DLEU7: variants seen among roughly 807,000 people sequenced by gnomAD.
The protein encoded by DLEU7 is deleted in lymphocytic leukemia 7, also known as leukemia-associated protein 7.
DLEU7 carries 17 observed loss-of-function variants against 16.0 expected under a neutral mutation model. The observed-to-expected ratio is 1.06, with a 90% CI of 0.73 to 1.59. The LOEUF (loss-of-function observed/expected upper bound fraction) is 1.59. Ranked by LOEUF, DLEU7 falls within the 40% of genes most tolerant of loss-of-function variation. The probability of loss-of-function intolerance (pLI) is 0.00; values close to 1 mark genes in which losing one functional copy is unlikely to be tolerated. For missense variants in DLEU7, 308 were observed against 314.9 expected (o/e 0.98, Z 0.17); for synonymous variants, 113 against 139.8 (o/e 0.81, Z 1.35).
intron 1 of DLEU7, among the ~76,000 whole-genome samples, chr13:50,755,467 C>T (rs926116188): frequency 6.6e-6 from 1 of 152,092 alleles, no homozygotes; most frequent in African/African-American, 2.4e-5. Flanking sequence ...CGTTCTTCTA[C>T]TTGTTCAATT....
At chr13:50,795,361 G>A (rs1876081791) in intron 1 of DLEU7, among the ~76,000 whole-genome samples, 1 of 152,122 alleles carries the variant, frequency 6.6e-6, no homozygotes, top group African/African-American at 2.4e-5. Context: ...TCTCCAGAGT[G>A]GTCCAGTATC....
At chr13:50,786,848 A>T (rs2137769977) in intron 1 of DLEU7, among the ~76,000 whole-genome samples, 1 of 152,306 alleles carries the variant, frequency 6.6e-6, no homozygotes, top group East Asian at 1.9e-4. Flanking sequence ...GCCAGGTTAG[A>T]TATAATCTGG....
downstream of DLEU7, chr13:50,818,509 A>C (rs1363414844): frequency 2.0e-5 from 3 of 152,178 alleles, no homozygotes; most frequent in Non-Finnish European, 4.4e-5. Flanking sequence ...TTGAGCTGTT[A>C]ACCTGTTCTA....
At chr13:50,811,287 G>C (rs1163414463) in intron 1 of DLEU7, among the ~76,000 whole-genome samples, 2 of 152,104 alleles carry the variant, frequency 1.3e-5, no homozygotes, top group Non-Finnish European at 2.9e-5. Flanking sequence ...CCGAGGGAAG[G>C]CCTTTAGAAA....
chr13:50,797,461 G>GT (rs1480879291), intron 1 of DLEU7, among the ~76,000 whole-genome samples: 3 of 152,172 alleles, frequency 2.0e-5, no homozygotes, highest in Non-Finnish European at 2.9e-5. Flanking sequence ...TACAAGAAGT[G>GT]TTTTTTCTTT....
At chr13:50,816,612 G>A (rs1002331524) in intron 1 of DLEU7, among the ~76,000 whole-genome samples, 1 of 151,776 alleles carries the variant, frequency 6.6e-6, no homozygotes, top group East Asian at 1.9e-4. Context: ...GAGACAAGAG[G>A]GTATCAAAGA....
intron 1 of DLEU7, among the ~76,000 whole-genome samples, chr13:50,755,033 T>C (rs1874710390): frequency 6.6e-6 from 1 of 152,234 alleles, no homozygotes; most frequent in African/African-American, 2.4e-5. Flanking sequence ...CTCTTCTAGC[T>C]TGCAAGGTTT....
intron 1 of DLEU7, among the ~76,000 whole-genome samples, chr13:50,758,025 A>ATTTTTTTTT (rs5803530): frequency 4.5e-5 from 4 of 89,110 alleles, no homozygotes; most frequent in South Asian, 3.7e-4. Context: ...CATTACCAAG[A>ATTTTTTTTT]TTTTTTTTTT....
chr13:50,794,281 A>T (rs1016522786), intron 1 of DLEU7, among the ~76,000 whole-genome samples: 16 of 147,932 alleles, frequency 1.1e-4, no homozygotes, highest in Admixed American at 3.4e-4. Context: ...TTACATTTTT[A>T]AAAAAGTTGA....
downstream of DLEU7, chr13:50,822,827 A>C (rs1353706479): frequency 2.0e-6 from 2 of 987,460 alleles, no homozygotes; most frequent in African/African-American, 1.7e-5. Flanking sequence ...AGTCCTACAA[A>C]GATCGTTCTT....
intron 1 of DLEU7, among the ~76,000 whole-genome samples, chr13:50,826,862 A>C (rs1566265659): frequency 6.6e-6 from 1 of 152,244 alleles, no homozygotes; most frequent in Non-Finnish European, 1.5e-5. Flanking sequence ...ACAATGGAAT[A>C]ATAGCTTCAA....
intron 1 of DLEU7, among the ~76,000 whole-genome samples, chr13:50,803,975 T>G (rs1253907570): frequency 6.6e-6 from 1 of 152,152 alleles, no homozygotes. Flanking sequence ...TTTTATATTT[T>G]TATTAACGTG....
chr13:50,841,621 T>C (rs1222923498), intron 1 of DLEU7, among the ~76,000 whole-genome samples: 1 of 151,782 alleles, frequency 6.6e-6, no homozygotes, highest in Non-Finnish European at 1.5e-5. Context: ...TTGCAGCTAC[T>C]GAGGAGGCTG....
chr13:50,759,341 G>A (rs911166314), intron 1 of DLEU7, among the ~76,000 whole-genome samples: 4 of 152,150 alleles, frequency 2.6e-5, no homozygotes, highest in African/African-American at 9.7e-5. Flanking sequence ...TTCATCTACT[G>A]GAAGAATGGC....
chr13:50,835,130 C>T (rs978981126), intron 1 of DLEU7, among the ~76,000 whole-genome samples: 2 of 152,102 alleles, frequency 1.3e-5, no homozygotes, highest in South Asian at 2.1e-4. Context: ...CACCATGGCA[C>T]GTGTATACCT....
At chr13:50,778,567 C>T (rs991573284) in intron 1 of DLEU7, among the ~76,000 whole-genome samples, 1 of 152,186 alleles carries the variant, frequency 6.6e-6, no homozygotes, top group African/African-American at 2.4e-5. Context: ...AACCAGATAG[C>T]TGTTGGCTGT....
intron 1 of DLEU7, among the ~76,000 whole-genome samples, chr13:50,760,953 A>G (rs1385517471): frequency 6.6e-6 from 1 of 152,130 alleles, no homozygotes; most frequent in African/African-American, 2.4e-5. Flanking sequence ...ATTTCCAAGT[A>G]GAAGCAGTCA....
rs537595678 is a variant in DLEU7, at chr13:50,775,588, A to G, written c.460-62348T>C. On this transcript the variant is annotated intron_variant, in intron 1 of 1. Coordinates refer to the DLEU7 transcript ENST00000400393. ...CCAATTATTTGAGGGAAATTTCTAT[A>G]TAGTCCCAAACTCCATATTCTGATT... 4.5e-4 allele frequency among the ~76,000 whole-genome samples: 69 copies of G among 152,312 alleles called. No individual in the cohort carries two copies. In the South Asian group the frequency reaches 7.0e-3, roughly 16 times the overall value.
chr13:50,796,901 T>C lies in DLEU7; in HGVS notation c.459+46287A>G, dbSNP rs149755935. ...ATCTGACCTGCACTGAACTGTGTTG[T>C]GAGCAAGAAGTAGAATGTTTTGTGT... On this transcript the variant is annotated intron_variant, in intron 1 of 1. Transcript: ENST00000400393. 2.6e-3 allele frequency among the ~76,000 whole-genome samples: 399 copies of C among 152,258 alleles called. 3 individuals are homozygous for C. The highest frequency in any genetic ancestry group is 9.0e-3 in the African/African-American group (376 of 41,558).
Sources: allele counts gnomAD v4.1 joint callset (sites outside exome capture counted in the v4.1 genomes callset), GRCh38; gene constraint gnomAD v4.1.1; transcripts MANE v1.5; gene names NCBI Gene and HGNC (gene_info 2026-07-23, HGNC 2026-07-21).